The following AGRN variants were observed in gnomAD, a reference collection of about 807,000 sequenced individuals.
AGRN encodes agrin.
In AGRN, 106 loss-of-function variants were observed where a neutral mutation model predicts 211.0. The observed-to-expected ratio is 0.50, with a 90% CI of 0.43 to 0.59. The LOEUF is 0.59. Ranked by LOEUF, AGRN falls within the 20% of genes least tolerant of loss-of-function variation. AGRN has a pLI of 0.00. For missense variants in AGRN, 3,040 were observed against 2,982.6 expected (o/e 1.02, Z -0.45); for synonymous variants, 1,525 against 1,332.5 (o/e 1.14, Z -3.15).
In AGRN at chr1:1,045,543, A is replaced by C. The variant is rs1176199182; in HGVS notation, c.2536+20A>C. 1 of 1,611,668 alleles carries C rather than the reference A, an allele frequency of 6.2e-7. No homozygotes were observed. The highest frequency in any genetic ancestry group is 2.2e-5 in the East Asian group (1 of 44,838). Reference sequence around the variant, plus strand: ...GTACACGTGAGTGACAGGGCCCAGGACTGGCCACCGGCTATGCCCTCCTAC... The same window carrying C: ...GTACACGTGAGTGACAGGGCCCAGGCCTGGCCACCGGCTATGCCCTCCTAC... On this transcript the variant is annotated intron_variant, in intron 14 of 35. Transcript: ENST00000379370.
chr1:1,050,604 G>A lies in AGRN; in HGVS notation c.5141+13G>A. On this transcript the variant is annotated intron_variant, in intron 29 of 35. Coordinates refer to ENST00000379370, the MANE Select transcript of AGRN (RefSeq NM_198576.4). ...CAGCGGTCATCAGGTGGGCCGGCAA[G>A]GGTGGCTCTGGGAGGCCTGGGGCAC... is the stretch of plus-strand genomic sequence containing the variant. The A allele has an allele frequency of 6.2e-7, 1 of 1,606,934 alleles. No homozygotes were observed. Among genetic ancestry groups the A allele is most frequent in the Non-Finnish European group, 8.5e-7 (1 of 1,176,972 alleles).
At position 1,050,223 on chromosome 1, in the gene AGRN, C is replaced by G. The variant is rs779162517; in HGVS notation, c.4880-10C>G. 1 of 1,612,984 alleles carries G rather than the reference C, an allele frequency of 6.2e-7. No homozygotes were observed. Among genetic ancestry groups the G allele is most frequent in the Non-Finnish European group, 8.5e-7 (1 of 1,179,874 alleles). Reference sequence around the variant, plus strand: ...GGTCAGGACTGAGGCCTTGGTGACTCTCCCTACAGCCTCGGGGCAGGACGG... The same window carrying G: ...GGTCAGGACTGAGGCCTTGGTGACTGTCCCTACAGCCTCGGGGCAGGACGG... On this transcript the variant is annotated splice_polypyrimidine_tract_variant and intron_variant, in intron 27 of 35. Transcript: ENST00000379370.
chr1:1,044,534 C>T, intron 12 of AGRN, 95 bp downstream of exon 12: 2 of 1,281,270 alleles, frequency 1.6e-6, no homozygotes, highest in Non-Finnish European at 1.1e-6. Flanking sequence ...GCGTTGGGCC[C>T]CTGTGGACGT....
chr1:1,035,572 C>T (rs1351704929), intron 3 of AGRN, among the ~76,000 whole-genome samples: 3 of 152,248 alleles, frequency 2.0e-5, no homozygotes, highest in Non-Finnish European at 2.9e-5. Context: ...CCCTCAGCCT[C>T]AAAACTGGGA....
intron 3 of AGRN, among the ~76,000 whole-genome samples, 195 bp downstream of exon 3, chr1:1,035,519 T>A (rs1644783173): frequency 6.6e-6 from 1 of 152,366 alleles, no homozygotes; most frequent in Admixed American, 6.5e-5. Flanking sequence ...GGCCGCCGCC[T>A]GACGGCACTG....
At chr1:1,044,684 T>G (rs112924463) in intron 12 of AGRN, among the ~76,000 whole-genome samples, 1 of 152,138 alleles carries the variant, frequency 6.6e-6, no homozygotes, top group Non-Finnish European at 1.5e-5. Context: ...GCGTGAACCA[T>G]GCGGGGCCCC....
In AGRN at chr1:1,046,719, T is replaced by C. The variant is rs777419195; in HGVS notation, c.3234T>C (p.Ser1078=). The change falls in exon 18 of 36, where the codon AGT becomes AGC. Residue 1078 remains serine, a synonymous_variant. Coordinates refer to ENST00000379370, the MANE Select transcript of AGRN (RefSeq NM_198576.4). ...AACTGAGCGGGGACCAGGAGGCCAG[T>C]GGGGGTGGCTCTGGGGGTGAGCAGG... The part of the protein sequence containing the change: ...DEELSGDQEA[S]GGGSGGLEPL... The C allele has an allele frequency of 8.2e-6, 13 of 1,578,976 alleles. No homozygotes were observed. The East Asian group carries it at 2.5e-4, about 30-fold the overall frequency.
chr1:1,045,262 C>G lies in AGRN; in HGVS notation c.2356C>G (p.Leu786Val), dbSNP rs761794267. The G allele has an allele frequency of 6.2e-7, 1 of 1,611,526 alleles. No individual in the cohort carries two copies. Among genetic ancestry groups the G allele is most frequent in the Non-Finnish European group, 8.5e-7 (1 of 1,179,474 alleles). Reference sequence around the variant, plus strand: ...TATCACCGCAGCCCGGGGCGTGGGCCTGGCTGGCTGCCCCAGTGAGTACCT... The same window carrying G: ...TATCACCGCAGCCCGGGGCGTGGGCGTGGCTGGCTGCCCCAGTGAGTACCT... ...DNITAARGVG[L>V]AGCPSACQCN... is the part of the protein sequence containing the mutation. The change falls in exon 13 of 36, where the codon CTG becomes GTG. Residue 786 changes from leucine (L) to valine (V), a missense_variant. Physicochemically the swap from Leu to Val is conservative, Grantham distance 32 (BLOSUM62 1). This residue lies in a region of AGRN where 1,498 missense variants were observed against 1,457.8 expected (regional missense o/e 1.03). Coordinates refer to ENST00000379370, the MANE Select transcript of AGRN (RefSeq NM_198576.4).
chr1:1,046,566 T>C lies in AGRN; in HGVS notation c.3081T>C (p.Thr1027=). 2 of 1,608,210 alleles carry C rather than the reference T, an allele frequency of 1.2e-6. No individual in the cohort carries two copies. Among genetic ancestry groups the C allele is most frequent in the Non-Finnish European group, 1.7e-6 (2 of 1,179,090 alleles). Reference sequence around the variant, plus strand: ...CGCCCTCATCACGACCTCGGACCACTGCCAGCGTCCCCAGGACCACCGTGT... The same window carrying C: ...CGCCCTCATCACGACCTCGGACCACCGCCAGCGTCCCCAGGACCACCGTGT... ...TPPPSSRPRT[T]ASVPRTTVWP... Residue 1027 remains threonine (T), a synonymous_variant, in exon 18 of 36, where the codon ACT becomes ACC. Transcript: ENST00000379370.
chr1:1,052,077 G>C lies in AGRN; in HGVS notation c.5651+262G>C, dbSNP rs920237235. 6.8e-6 allele frequency: 10 copies of C among 1,462,578 alleles called. No homozygotes were observed. The African/African-American group carries it at 1.3e-4, about 18-fold the overall frequency. The allele number at this position is 1,462,578 out of a possible 1,614,324, so 90.6% of individuals were successfully genotyped here. A position where few individuals can be genotyped will look rare whatever the true frequency, so the allele number is the denominator to read the frequency against. On this transcript the variant is annotated intron_variant, in intron 33 of 35. Transcript: ENST00000379370. ...TCCCACTCCTCCATCCTTCCTGGTG[G>C]GGAGCAGAGTCCGGAGCCCCCGGGG...
At position 1,048,212 on chromosome 1, in the gene AGRN, G is replaced by A. The variant is rs1044828934; in HGVS notation, c.3952G>A (p.Val1318Met). 3.2e-6 allele frequency: 5 copies of A among 1,553,064 alleles called. No individual in the cohort carries two copies. In the Admixed American group the frequency reaches 9.4e-5, roughly 29 times the overall value. The change falls in exon 23 of 36, where the codon GTG becomes ATG. Residue 1318 changes from valine to methionine, a missense_variant. By Grantham distance (21) the Val-to-Met change is conservative. Coordinates refer to ENST00000379370, the MANE Select transcript of AGRN (RefSeq NM_198576.4). This position sits in a 1 kb window ranked among gnomAD's most constrained non-coding sequence, Gnocchi z 5.9. ...GCCCCCCACCACTGCCCCCAGCCGT[G>A]TGCCCGGACGTCGGCCCCCGGCCCC... ...RRPPTTAPSR[V>M]PGRRPPAPQQ...
chr1:1,052,442 G>T (rs568127871), intron 33 of AGRN: 1 of 301,040 alleles, frequency 3.3e-6, no homozygotes, highest in Admixed American at 4.8e-5. Flanking sequence ...ATGCGTGTGT[G>T]ACTATGCGGC....
rs1429179696 is a variant in AGRN at position 1,045,790 on chromosome 1, T to C, written c.2594T>C (p.Leu865Pro). 4 of 1,613,188 alleles carry C rather than the reference T, an allele frequency of 2.5e-6. No homozygotes were observed. The African/African-American group carries it at 4.0e-5, about 16-fold the overall frequency. ...VRDDCEQMTGLCSCKPGVAGP... is the reference protein window; with the variant it reads ...VRDDCEQMTGPCSCKPGVAGP... Reference sequence around the variant, plus strand: ...GATGACTGTGAGCAGATGACGGGGCTGTGCTCGTGTAAGCCCGGGGTGGCT... The same window carrying C: ...GATGACTGTGAGCAGATGACGGGGCCGTGCTCGTGTAAGCCCGGGGTGGCT... Residue 865 changes from leucine (L) to proline (P), a missense_variant, in exon 15 of 36, where the codon CTG (leucine) becomes CCG (proline). Physicochemically the swap from Leu to Pro is moderately conservative, Grantham distance 98. Coordinates refer to ENST00000379370, the MANE Select transcript of AGRN (RefSeq NM_198576.4).
chr1:1,041,547 A>C lies in AGRN; in HGVS notation c.1022A>C (p.Glu341Ala). The C allele has an allele frequency of 6.2e-7, 1 of 1,607,582 alleles. No individual in the cohort carries two copies. The highest frequency in any genetic ancestry group is 8.5e-7 in the Non-Finnish European group (1 of 1,179,208). ...GTGAACCCGCGCACGCGGCGCCCTG[A>C]GATGCTCCTACGGCCCGAGAGCTGC... is the stretch of plus-strand genomic sequence containing the variant. ...CRVNPRTRRPEMLLRPESCPA... is the reference protein window; with the variant it reads ...CRVNPRTRRPAMLLRPESCPA... The change falls in exon 6 of 36, where the codon GAG (glutamate) becomes GCG (alanine). Residue 341 changes from glutamate (E) to alanine (A), a missense_variant. Physicochemically the swap from Glu to Ala is moderately radical, Grantham distance 107. Coordinates refer to ENST00000379370, the MANE Select transcript of AGRN (RefSeq NM_198576.4).
chr1:1,055,102 C>G lies in AGRN; in HGVS notation c.*121C>G, dbSNP rs931708041. On this transcript the variant is annotated 3_prime_UTR_variant, in exon 36 of 36. Transcript: ENST00000379370. Reference sequence around the variant, plus strand: ...GGGACTGCTGGCCCGGCCTCCCTTCCGTCCAGGCAGCCGTGCTGCAGACAG... The same window carrying G: ...GGGACTGCTGGCCCGGCCTCCCTTCGGTCCAGGCAGCCGTGCTGCAGACAG... 1.4e-5 allele frequency: 21 copies of G among 1,458,650 alleles called. No individual in the cohort carries two copies. Among genetic ancestry groups the G allele is most frequent in the Non-Finnish European group, 1.9e-5 (21 of 1,079,744 alleles). The allele number at this position is 1,458,650 out of a possible 1,614,324, so 90.4% of individuals were successfully genotyped here. A position where few individuals can be genotyped will look rare whatever the true frequency, so the allele number is the denominator to read the frequency against.
intron 16 of AGRN, 34 bp from the exon 17 acceptor site, chr1:1,046,126 G>T (rs1277160000): frequency 1.2e-6 from 2 of 1,613,958 alleles, no homozygotes; most frequent in Non-Finnish European, 1.7e-6. Flanking sequence ...TGGGGAGGAG[G>T]CCTCGCCTTG....
At chr1:1,026,722 G>C (rs896241728) in intron 2 of AGRN, among the ~76,000 whole-genome samples, 10 of 152,156 alleles carry the variant, frequency 6.6e-5, no homozygotes, top group Non-Finnish European at 5.9e-5. Flanking sequence ...GGCTGCAGAC[G>C]GAAACACCGT....
intron 3 of AGRN, among the ~76,000 whole-genome samples, chr1:1,037,859 C>T (rs930459605): frequency 6.6e-6 from 1 of 152,118 alleles, no homozygotes; most frequent in Non-Finnish European, 1.5e-5. Context: ...TGCTGCAATG[C>T]GCTGTGCCTG....
At position 1,051,380 on chromosome 1, in the gene AGRN, G is replaced by T; in HGVS notation, c.5370+11G>T. On this transcript the variant is annotated intron_variant, in intron 31 of 35. Coordinates refer to ENST00000379370, the MANE Select transcript of AGRN (RefSeq NM_198576.4). ...GGTGCCATCCAGCTGGTATGTGGGG[G>T]CGGGGCGTCCCAGCAGGGCCTCCGG... The T allele has an allele frequency of 1.3e-6, 2 of 1,557,644 alleles. No individual in the cohort carries two copies. The highest frequency in any genetic ancestry group is 2.3e-5 in the East Asian group (1 of 42,620).
Sources: gnomAD v4.1 joint callset for allele counts (sites outside exome capture counted in the v4.1 genomes callset) on GRCh38, gnomAD v4.1.1 for gene constraint, gnomAD v4.1.1 regional missense constraint, Gnocchi (gnomAD v3.1) non-coding constraint, MANE v1.5 for transcripts, NCBI Gene and HGNC (gene_info 2026-07-23, HGNC 2026-07-21) for gene names.